Variants in MRPL12 observed in about 807,000 individuals in gnomAD.
MRPL12 encodes large ribosomal subunit protein bL12m.
In MRPL12, 13 loss-of-function variants were observed where a neutral mutation model predicts 21.1. The observed-to-expected ratio is 0.62, with a 90% confidence interval of 0.40 to 0.98. The LOEUF is 0.98. Ranked by LOEUF, MRPL12 falls within the 50% of genes least tolerant of loss-of-function variation. The pLI is 0.00. For synonymous variants in MRPL12, 126 were observed against 115.3 expected, an observed-to-expected ratio of 1.09 and a Z score of -0.60; for missense variants, 251 against 268.6, an observed-to-expected ratio of 0.93 and a Z score of 0.46.
chr17:81,704,558 A>C, intron 2 of MRPL12, 75 bp from the exon 3 acceptor site: 1 of 1,579,174 alleles, frequency 6.3e-7, no homozygotes, highest in Non-Finnish European at 8.7e-7. Flanking sequence ...GGTCCATGCC[A>C]GGCTAGTTGC....
Position 81,703,423 on chromosome 17 carries a change from T to G in MRPL12, c.-79T>G. 1 of 1,287,428 alleles carries G rather than the reference T, an allele frequency of 7.8e-7. No homozygotes were observed. Among genetic ancestry groups the G allele is most frequent in the Non-Finnish European group, 1.0e-6 (1 of 964,624 alleles). The allele number at this position is 1,287,428 out of a possible 1,614,324, so 79.8% of individuals were successfully genotyped here. A position where few individuals can be genotyped will look rare whatever the true frequency, so the allele number is the denominator to read the frequency against. On this transcript the variant is annotated 5_prime_UTR_variant, in exon 1 of 5. Coordinates refer to ENST00000333676, the MANE Select transcript of MRPL12 (RefSeq NM_002949.4). ...GGCGGCTAGAGCGTTCCTCCCCAGC[T>G]CGAATGCCCGGCGGCCGAGGCGGCT...
chr17:81,705,583 A>G (rs1201338180), intron 3 of MRPL12, among the ~76,000 whole-genome samples: 1 of 152,162 alleles, frequency 6.6e-6, no homozygotes, highest in African/African-American at 2.4e-5. Context: ...ACGGGGAGGC[A>G]CCAAGGTCAC....
At position 81,707,433 on chromosome 17, in the gene MRPL12, G is replaced by C; in HGVS notation, c.*193G>C. On this transcript the variant is annotated 3_prime_UTR_variant, in exon 5 of 5. Transcript: ENST00000333676. ...GGGAGGGAGGGGCGGCTGCTGCCTG[G>C]TGACGGCACCCGGAGGCCCACCAGG... is the stretch of plus-strand genomic sequence containing the variant. 1.7e-6 allele frequency: 1 copy of C among 593,616 alleles called. No homozygotes were observed. The highest frequency in any genetic ancestry group is 2.1e-5 in the South Asian group (1 of 47,104). The allele number at this position is 593,616 out of a possible 1,614,324, so 36.8% of individuals were successfully genotyped here.
chr17:81,707,398 C>A lies in MRPL12; in HGVS notation c.*158C>A. ...GCGGGGCCGGACAGGCCGCACAGAC[C>A]TACTGTGGCGGGAGGGAGGGGCGGC... On this transcript the variant is annotated 3_prime_UTR_variant, in exon 5 of 5. Transcript: ENST00000333676. 1.4e-6 allele frequency: 1 copy of A among 726,472 alleles called. No individual in the cohort carries two copies. The highest frequency in any genetic ancestry group is 2.2e-6 in the Non-Finnish European group (1 of 457,892). 45.0% of individuals were successfully genotyped at this position (726,472 alleles called of 1,614,324 possible).
In MRPL12 at chr17:81,704,248, C is replaced by T; in HGVS notation, c.79C>T (p.Gln27Ter). ...TTAATTGGGGGTGGGGGCTAGGCGA[C>T]AGGTGCCATGTGTCTGTGCCGTGCG... ...RAAAFRLARR[Q>*]VPCVCAVRHM... Residue 27 changes from glutamine to a stop codon, truncating the protein, a stop_gained, in exon 2 of 5, where the codon CAG becomes TAG. Coordinates refer to ENST00000333676, the MANE Select transcript of MRPL12 (RefSeq NM_002949.4). LOFTEE classifies it high-confidence loss of function. The T allele has an allele frequency of 1.9e-6, 3 of 1,605,554 alleles. No individual in the cohort carries two copies. Among genetic ancestry groups the T allele is most frequent in the Non-Finnish European group, 2.5e-6 (3 of 1,176,742 alleles).
At chr17:81,704,798 TCTG>T in intron 3 of MRPL12, 82 bp downstream of exon 3, 1 of 1,205,844 alleles carries the variant, frequency 8.3e-7, no homozygotes, top group Non-Finnish European at 1.2e-6. Flanking sequence ...TATCTCAGGT[TCTG>T]CAGCTACCGT....
rs765933080 is a variant in MRPL12, at chr17:81,706,907, C to T, written c.347C>T (p.Ala116Val). 7.4e-6 allele frequency: 12 copies of T among 1,613,652 alleles called. No individual in the cohort carries two copies. The East Asian group carries it at 1.3e-4, about 18-fold the overall frequency. Residue 116 changes from alanine (A) to valine (V), a missense_variant and splice_region_variant, in exon 4 of 5, where the codon GCG becomes GTG. By Grantham distance (64) the Ala-to-Val change is moderately conservative (BLOSUM62 0). Coordinates refer to ENST00000333676, the MANE Select transcript of MRPL12 (RefSeq NM_002949.4). Reference protein sequence around the residue: ...GAVPAAAAQEAVEEDIPIAKE... With the variant: ...GAVPAAAAQEVVEEDIPIAKE... ...TCCCCTTCTTTCCTGCTCCCTAAGG[C>T]GGTGGAAGAAGATATCCCCATAGCG...
At chr17:81,705,132 A>G (rs950063034) in intron 3 of MRPL12, among the ~76,000 whole-genome samples, 1 of 152,092 alleles carries the variant, frequency 6.6e-6, no homozygotes, top group Non-Finnish European at 1.5e-5. Context: ...AATCCCAGCT[A>G]CTCGGGAGGC....
chr17:81,703,477 G>T lies in MRPL12; in HGVS notation c.-25G>T. The T allele has an allele frequency of 3.4e-6, 5 of 1,487,204 alleles. No homozygotes were observed. Among genetic ancestry groups the T allele is most frequent in the Non-Finnish European group, 3.6e-6 (4 of 1,124,548 alleles). 92.1% of individuals were successfully genotyped at this position (1,487,204 alleles called of 1,614,324 possible). Reference sequence around the variant, plus strand: ...GCGTCGCCTCCTCCCGGGGAACCGCGTGTGACCTTCCAGCCCGCGGACCGA... The same window carrying T: ...GCGTCGCCTCCTCCCGGGGAACCGCTTGTGACCTTCCAGCCCGCGGACCGA... On this transcript the variant is annotated 5_prime_UTR_variant, in exon 1 of 5. Coordinates refer to ENST00000333676, the MANE Select transcript of MRPL12 (RefSeq NM_002949.4).
Position 81,705,532 on chromosome 17 carries a change from G to A in MRPL12, c.345+816G>A, listed in dbSNP as rs143366939. ...AGTTCAAGGTGGGCTTCAAAGAGGA[G>A]GCAGACATTGTAGAAGAGAGCACGG... On this transcript the variant is annotated intron_variant, in intron 3 of 4. Coordinates refer to ENST00000333676, the MANE Select transcript of MRPL12 (RefSeq NM_002949.4). 4.7e-3 allele frequency among the ~76,000 whole-genome samples: 718 copies of A among 152,320 alleles called. 7 individuals are homozygous for A. The highest frequency in any genetic ancestry group is 6.2e-3 in the Non-Finnish European group (419 of 68,036).
intron 3 of MRPL12, among the ~76,000 whole-genome samples, chr17:81,705,646 C>T (rs959363611): frequency 3.3e-5 from 5 of 152,108 alleles, no homozygotes; most frequent in African/African-American, 7.2e-5. Context: ...TACAGGCTGG[C>T]GCAGGCGAAG....
At chr17:81,706,577 AG>A (rs1568224271) in intron 3 of MRPL12, among the ~76,000 whole-genome samples, 1 of 152,152 alleles carries the variant, frequency 6.6e-6, no homozygotes, top group Non-Finnish European at 1.5e-5. Context: ...CTAGCATGAG[AG>A]AAAAAGCACC....
Position 81,707,197 on chromosome 17 carries a change from A to T in MRPL12, c.554A>T (p.Lys185Met). 6.2e-7 allele frequency: 1 copy of T among 1,611,964 alleles called. No individual in the cohort carries two copies. The highest frequency in any genetic ancestry group is 8.5e-7 in the Non-Finnish European group (1 of 1,178,750). ...NVAKAEAEKI[K>M]AALEAVGGTV... ...GCCAAAGCTGAGGCGGAGAAGATCA[A>T]GGCGGCCCTGGAGGCGGTGGGCGGC... Residue 185 changes from lysine to methionine, a missense_variant, in exon 5 of 5, where the codon AAG (lysine) becomes ATG (methionine). Physicochemically the swap from Lys to Met is moderately conservative, Grantham distance 95. Transcript: ENST00000333676.
chr17:81,706,250 GT>G (rs1419171423), intron 3 of MRPL12, among the ~76,000 whole-genome samples: 2 of 152,170 alleles, frequency 1.3e-5, no homozygotes, highest in East Asian at 3.9e-4. Flanking sequence ...GGGAAGGACT[GT>G]GAAGCATGTT....
intron 3 of MRPL12, among the ~76,000 whole-genome samples, chr17:81,705,413 AG>A (rs1191002288): frequency 9.1e-5 from 13 of 142,512 alleles, no homozygotes; most frequent in African/African-American, 3.1e-4. Flanking sequence ...AAAAAAAAAG[AG>A]GAAAAAGAAA....
At chr17:81,707,095 C>G (rs748486777) in intron 4 of MRPL12, 29 bp from the exon 5 acceptor site, 1 of 1,613,916 alleles carries the variant, frequency 6.2e-7, no homozygotes. Context: ...GCCAGGGCCC[C>G]CAGTCCCTGA....
rs1383450451 is a variant in MRPL12 at position 81,707,466 on chromosome 17, A to G, written c.*226A>G. 1 of 537,544 alleles carries G rather than the reference A, an allele frequency of 1.9e-6. No homozygotes were observed. The highest frequency in any genetic ancestry group is 3.3e-6 in the Non-Finnish European group (1 of 302,874). 33.3% of individuals were successfully genotyped at this position (537,544 alleles called of 1,614,324 possible). On this transcript the variant is annotated 3_prime_UTR_variant, in exon 5 of 5. Transcript: ENST00000333676. ...ACCCGGAGGCCCACCAGGACGCGCC[A>G]CCGGTGAATGTGCCTCTGGTGGCTG...
rs1443555575 is a variant in MRPL12 at position 81,703,566 on chromosome 17, G to A, written c.65G>A (p.Arg22His). ...PCLGLRAAAF[R>H]LARRQVPCVC... ...CTTGGGCTTCGGGCCGCTGCGTTCC[G>A]CCTTGCCAGGTACGCGGGATCCTGG... The change falls in exon 1 of 5, where the codon CGC becomes CAC. Residue 22 changes from arginine (R) to histidine (H), a missense_variant. Coordinates refer to ENST00000333676, the MANE Select transcript of MRPL12 (RefSeq NM_002949.4). 4 of 1,448,128 alleles carry A rather than the reference G, an allele frequency of 2.8e-6. No homozygotes were observed. Among genetic ancestry groups the A allele is most frequent in the South Asian group, 1.3e-5 (1 of 74,344 alleles). 89.7% of individuals were successfully genotyped at this position (1,448,128 alleles called of 1,614,324 possible).
At chr17:81,704,787 G>A (rs1409967745) in intron 3 of MRPL12, 71 bp downstream of exon 3, 7 of 1,295,374 alleles carry the variant, frequency 5.4e-6, no homozygotes, top group Non-Finnish European at 6.5e-6. Flanking sequence ...CCGTGGTCCC[G>A]TATCTCAGGT....
Sources: gnomAD v4.1 joint callset for allele counts (sites outside exome capture counted in the v4.1 genomes callset) on GRCh38, gnomAD v4.1.1 for gene constraint, MANE v1.5 for transcripts, NCBI Gene and HGNC (gene_info 2026-07-23, HGNC 2026-07-21) for gene names.